ENTPD5: variants seen among roughly 807,000 people sequenced by gnomAD.
The protein encoded by ENTPD5 is ectonucleoside triphosphate diphosphohydrolase 5 (inactive), also known as nucleoside diphosphate phosphatase ENTPD5.
ENTPD5 carries 49 observed loss-of-function variants against 60.2 expected under a neutral mutation model. The ratio of observed to expected loss-of-function variants is 0.81; its 90% CI spans 0.65 to 1.03. The LOEUF (loss-of-function observed/expected upper bound fraction) is 1.03. Among genes scored for constraint, ENTPD5 ranks in the 50% least tolerant of loss-of-function variants. The probability of loss-of-function intolerance (pLI) is 0.00; values close to 1 mark genes in which losing one functional copy is unlikely to be tolerated. For synonymous variants in ENTPD5, 187 were observed against 185.4 expected (o/e 1.01, Z -0.07); for missense variants, 480 against 507.6 (o/e 0.95, Z 0.52).
chr14:73,976,432 T>C lies in ENTPD5; in HGVS notation c.554-20A>G. The C allele has an allele frequency of 6.2e-7, 1 of 1,605,722 alleles. No individual in the cohort carries two copies. On this transcript the variant is annotated intron_variant, in intron 8 of 15. Coordinates refer to ENST00000334696, the MANE Select transcript of ENTPD5 (RefSeq NM_001249.5). ...GCTGACCTGTCAAATGAGAGCCAGC[T>C]CTAAATAGCCTCGACATCCTGGGCA...
At chr14:73,991,440 T>C (rs546170578) in intron 3 of ENTPD5, among the ~76,000 whole-genome samples, 32 of 151,786 alleles carry the variant, frequency 2.1e-4, no homozygotes, top group Middle Eastern at 3.4e-3. Flanking sequence ...ATACAAAAAT[T>C]AGTTAGTTGT....
At chr14:74,003,351 G>T in intron 3 of ENTPD5, 1 of 545,226 alleles carries the variant, frequency 1.8e-6, no homozygotes, top group Non-Finnish European at 3.5e-6. Flanking sequence ...AATGGGCTAG[G>T]GTTTCTCTCA....
intron 3 of ENTPD5, among the ~76,000 whole-genome samples, chr14:73,993,931 A>C (rs1350946080): frequency 5.6e-5 from 7 of 123,952 alleles, no homozygotes; most frequent in East Asian, 4.1e-4. Flanking sequence ...CAAACAAAAA[A>C]AAACAAACAA....
At chr14:74,015,581 G>C (rs1010004071) in intron 2 of ENTPD5, among the ~76,000 whole-genome samples, 1 of 151,768 alleles carries the variant, frequency 6.6e-6, no homozygotes, top group Non-Finnish European at 1.5e-5. Context: ...TTGAACTCCT[G>C]GGCTTAAGCA....
At chr14:74,016,752 C>T (rs950334912) in intron 1 of ENTPD5, among the ~76,000 whole-genome samples, 2 of 152,204 alleles carry the variant, frequency 1.3e-5, no homozygotes, top group Non-Finnish European at 2.9e-5. Context: ...ATACATTAAT[C>T]TGTAAGCCTA....
At chr14:73,982,261 G>A (rs2057721871) in intron 6 of ENTPD5, among the ~76,000 whole-genome samples, 1 of 151,966 alleles carries the variant, frequency 6.6e-6, no homozygotes, top group South Asian at 2.1e-4. Flanking sequence ...TTTTAGTAGA[G>A]ATGAGGTTTC....
chr14:73,962,011 A>G, downstream of ENTPD5: 1 of 1,284,936 alleles, frequency 7.8e-7, no homozygotes, highest in Non-Finnish European at 1.1e-6. Context: ...GCAGTGGCAC[A>G]ATTTCCACTC....
downstream of ENTPD5, chr14:73,955,739 A>G (rs2056401557): frequency 6.2e-7 from 1 of 1,610,368 alleles, no homozygotes; most frequent in Non-Finnish European, 8.5e-7. Flanking sequence ...GGAAAGCAAT[A>G]TTGTTTCTGA....
At chr14:74,004,760 G>T (rs1337956155) in intron 3 of ENTPD5, among the ~76,000 whole-genome samples, 1 of 152,092 alleles carries the variant, frequency 6.6e-6, no homozygotes, top group East Asian at 1.9e-4. Context: ...GAAGAGCAGG[G>T]CAGAAGCAGT....
At chr14:73,977,402 A>AG in intron 6 of ENTPD5, 28 bp from the exon 7 acceptor site, 2 of 1,426,038 alleles carry the variant, frequency 1.4e-6, no homozygotes, top group East Asian at 4.6e-5. Flanking sequence ...AAAAAAAAAA[A>AG]GAATTCCCTA....
At chr14:73,961,150 G>A (rs1253247323), downstream of ENTPD5, 1 of 1,610,936 alleles carries the variant, frequency 6.2e-7, no homozygotes, top group African/African-American at 1.3e-5. Flanking sequence ...CACCTTGTTT[G>A]TCTTGTGGCT....
chr14:73,983,362 C>T (rs1248366889), intron 5 of ENTPD5, among the ~76,000 whole-genome samples: 2 of 152,084 alleles, frequency 1.3e-5, no homozygotes, highest in Non-Finnish European at 2.9e-5. Context: ...GTGTCTCACA[C>T]CTGTAATCCC....
At chr14:74,002,948 C>G (rs150376483) in intron 3 of ENTPD5, among the ~76,000 whole-genome samples, 1 of 152,208 alleles carries the variant, frequency 6.6e-6, no homozygotes, top group South Asian at 2.1e-4. Flanking sequence ...TGCGCTTATT[C>G]ACTCATGCCC....
In ENTPD5 at chr14:73,966,919, T is replaced by C. The variant is rs769827332; in HGVS notation, c.*9A>G. ...TGGCAAATGCAGGTCTCCAAGGAAG[T>C]ACGTGGCCTCAATGGGAGATGCCCA... On this transcript the variant is annotated 3_prime_UTR_variant, in exon 16 of 16. Coordinates refer to ENST00000334696, the MANE Select transcript of ENTPD5 (RefSeq NM_001249.5). The C allele has an allele frequency of 7.8e-5, 125 of 1,611,080 alleles. No homozygotes were observed. The highest frequency in any genetic ancestry group is 9.2e-5 in the Non-Finnish European group (108 of 1,177,372).
chr14:73,967,090 T>G, intron 15 of ENTPD5, 76 bp from the exon 16 acceptor site: 2 of 1,287,826 alleles, frequency 1.6e-6, no homozygotes, highest in Non-Finnish European at 2.2e-6. Context: ...GGGCAGAAAA[T>G]ATTGGCAAAG....
downstream of ENTPD5, chr14:73,956,131 T>C (rs1420212277): frequency 1.5e-5 from 8 of 551,390 alleles, no homozygotes; most frequent in Non-Finnish European, 1.6e-5. Flanking sequence ...GAGACCATCC[T>C]GGCTAACATG....
downstream of ENTPD5, chr14:73,961,660 A>AT: frequency 6.2e-7 from 1 of 1,606,082 alleles, no homozygotes; most frequent in Non-Finnish European, 8.5e-7. Context: ...GTGGACATAA[A>AT]ATATATCTGG....
intron 6 of ENTPD5, among the ~76,000 whole-genome samples, chr14:73,980,379 C>T (rs1397752345): frequency 1.3e-5 from 2 of 151,628 alleles, no homozygotes; most frequent in African/African-American, 2.4e-5. Context: ...ATTCTCCTGC[C>T]TTAGCCTCCT....
At chr14:74,014,352 T>C (rs1241554120) in intron 2 of ENTPD5, among the ~76,000 whole-genome samples, 1 of 151,140 alleles carries the variant, frequency 6.6e-6, no homozygotes, top group African/African-American at 2.4e-5. Flanking sequence ...TTGAGCCCAG[T>C]AGCAACAGAG....
Sources: allele counts gnomAD v4.1 joint callset (sites outside exome capture counted in the v4.1 genomes callset), GRCh38; gene constraint gnomAD v4.1.1; transcripts MANE v1.5; gene names NCBI Gene and HGNC (gene_info 2026-07-23, HGNC 2026-07-21).